The following ZNF385B variants were observed in gnomAD, a reference collection of about 807,000 sequenced individuals.
The protein encoded by ZNF385B is zinc finger protein 385B.
ZNF385B carries 23 observed loss-of-function variants against 39.2 expected under a neutral mutation model. The observed-to-expected ratio is 0.59, with a 90% CI of 0.42 to 0.83. The LOEUF is 0.83. Ranked by LOEUF, ZNF385B falls within the 40% of genes least tolerant of loss-of-function variation. ZNF385B has a pLI of 0.00. For missense variants in ZNF385B, 552 were observed against 598.9 expected (o/e 0.92, Z 0.82); for synonymous variants, 205 against 222.6 (o/e 0.92, Z 0.70).
At chr2:179,522,284 A>G (rs1204317790) in intron 4 of ZNF385B, among the ~76,000 whole-genome samples, 2 of 152,224 alleles carry the variant, frequency 1.3e-5, no homozygotes, top group East Asian at 3.8e-4. Context: ...GCATTAGTAC[A>G]ATGCTCTAAA....
chr2:179,766,942 C>T (rs376553988), intron 3 of ZNF385B, among the ~76,000 whole-genome samples: 2 of 152,132 alleles, frequency 1.3e-5, no homozygotes, highest in African/African-American at 2.4e-5. Flanking sequence ...AAAAGCCCCC[C>T]GCAGTCCACT....
At chr2:179,793,652 T>C (rs1705479577) in intron 1 of ZNF385B, among the ~76,000 whole-genome samples, 1 of 152,164 alleles carries the variant, frequency 6.6e-6, no homozygotes, top group Non-Finnish European at 1.5e-5. Flanking sequence ...GAACTGTGAG[T>C]CAATTAAACC....
At chr2:179,523,297 A>AT (rs199635243) in intron 4 of ZNF385B, among the ~76,000 whole-genome samples, 201 of 137,508 alleles carry the variant, frequency 1.5e-3, no homozygotes, top group Middle Eastern at 3.9e-3. Flanking sequence ...AATAAGAACA[A>AT]TTTTTTTTTT....
At chr2:179,633,284 T>A (rs546892449) in intron 3 of ZNF385B, among the ~76,000 whole-genome samples, 1 of 152,202 alleles carries the variant, frequency 6.6e-6, no homozygotes, top group East Asian at 1.9e-4. Context: ...CCCTGATGAA[T>A]GTCGATGCAA....
In ZNF385B at chr2:179,810,339, GA is replaced by G. The variant is rs1706656759; in HGVS notation, c.-154-39668del. On this transcript the variant is annotated intron_variant, in intron 1 of 9. Transcript: ENST00000410066. ...ATAAAAGTAATTTGTGAGAAAATCT[GA>G]AATCTTAAAATGCATATAAAAATAA... Among the ~76,000 whole-genome samples the G allele has an allele frequency of 2.6e-5, 4 of 151,932 alleles. No individual in the cohort carries two copies. The South Asian group carries it at 8.3e-4, about 32-fold the overall frequency.
At chr2:179,583,869 T>C (rs1686802864) in intron 3 of ZNF385B, 3 of 1,287,100 alleles carry the variant, frequency 2.3e-6, no homozygotes, top group South Asian at 2.6e-5. Flanking sequence ...CAGATCTTAC[T>C]GCCCTCAGTC....
intron 3 of ZNF385B, among the ~76,000 whole-genome samples, chr2:179,706,128 C>G (rs1699576624): frequency 6.6e-6 from 1 of 152,304 alleles, no homozygotes; most frequent in Middle Eastern, 3.4e-3. Context: ...AGACTCATTT[C>G]TTATTTACGG....
intron 4 of ZNF385B, among the ~76,000 whole-genome samples, chr2:179,524,844 C>G (rs1343382845): frequency 1.3e-5 from 2 of 152,064 alleles, no homozygotes; most frequent in Admixed American, 1.3e-4. Flanking sequence ...TTTTTTTCCC[C>G]TCTGACAGTG....
chr2:179,741,026 T>G (rs1028966044), intron 3 of ZNF385B, among the ~76,000 whole-genome samples: 8 of 152,152 alleles, frequency 5.3e-5, no homozygotes, highest in Admixed American at 2.6e-4. Flanking sequence ...AAAGAAGATA[T>G]GGTTTTGTAA....
chr2:179,819,344 C>T (rs1707263092), intron 1 of ZNF385B, among the ~76,000 whole-genome samples: 1 of 152,092 alleles, frequency 6.6e-6, no homozygotes, highest in Non-Finnish European at 1.5e-5. Flanking sequence ...ACCTTGGAAT[C>T]TTTAAGTGCC....
chr2:179,775,269 T>C (rs1304102378), intron 1 of ZNF385B, among the ~76,000 whole-genome samples: 5 of 152,202 alleles, frequency 3.3e-5, no homozygotes, highest in African/African-American at 1.2e-4. Flanking sequence ...ACACTGATTA[T>C]AGACAATATG....
intron 6 of ZNF385B, among the ~76,000 whole-genome samples, chr2:179,452,831 G>A (rs1396986401): frequency 1.3e-5 from 2 of 152,108 alleles, no homozygotes; most frequent in African/African-American, 4.8e-5. Context: ...GACACGTTAA[G>A]CTTTGTGGCT....
chr2:179,860,497 TC>T (rs1441108129), intron 1 of ZNF385B, among the ~76,000 whole-genome samples: 4 of 151,944 alleles, frequency 2.6e-5, no homozygotes, highest in African/African-American at 9.7e-5. Context: ...CTCCCACCCT[TC>T]CCTGACACCT....
intron 3 of ZNF385B, chr2:179,745,970 C>T: frequency 1.7e-6 from 2 of 1,211,730 alleles, no homozygotes; most frequent in East Asian, 6.8e-5. Flanking sequence ...GACAAGCACA[C>T]TCTGAGTCAT....
chr2:179,557,080 T>C (rs2060955214), intron 3 of ZNF385B, among the ~76,000 whole-genome samples: 1 of 149,296 alleles, frequency 6.7e-6, no homozygotes, highest in South Asian at 2.2e-4. Context: ...TAATTAGGAA[T>C]CTACCCTTCA....
rs112083879 is a variant in ZNF385B, at chr2:179,723,253, G to A, written c.298+46250C>T. Among the ~76,000 whole-genome samples the A allele has an allele frequency of 5.3e-3, 813 of 152,236 alleles. 11 individuals are homozygous for A. Among genetic ancestry groups the A allele is most frequent in the African/African-American group, 0.019 (773 of 41,542 alleles). On this transcript the variant is annotated intron_variant, in intron 3 of 9. Transcript: ENST00000410066. ...GAAAAAAAAATTTCAAGTTGAACAT[G>A]CACATCTCTTAAACCTGAAACTCAC...
intron 1 of ZNF385B, among the ~76,000 whole-genome samples, chr2:179,821,645 AT>A (rs1707401865): frequency 6.6e-6 from 1 of 152,086 alleles, no homozygotes; most frequent in East Asian, 1.9e-4. Context: ...TTATCTAGCC[AT>A]TTTACCAAGA....
intron 6 of ZNF385B, among the ~76,000 whole-genome samples, chr2:179,469,186 A>C (rs2052457384): frequency 6.6e-6 from 1 of 152,084 alleles, no homozygotes; most frequent in African/African-American, 2.4e-5. Flanking sequence ...ACTTTTTTCT[A>C]AGGCAGTGTT....
chr2:179,807,711 C>T (rs574519602), intron 1 of ZNF385B, among the ~76,000 whole-genome samples: 24 of 151,900 alleles, frequency 1.6e-4, no homozygotes, highest in Admixed American at 3.9e-4. Context: ...CTGGCTAACA[C>T]GGTGAAACCC....
Sources: allele counts gnomAD v4.1 joint callset (sites outside exome capture counted in the v4.1 genomes callset), GRCh38; gene constraint gnomAD v4.1.1; transcripts MANE v1.5; gene names NCBI Gene and HGNC (gene_info 2026-07-23, HGNC 2026-07-21).